ZNF717: variants seen among roughly 807,000 people sequenced by gnomAD.
ZNF717 encodes krueppel-like factor X17.
Under a neutral mutation model 13.8 loss-of-function variants are expected in ZNF717, and 9 were observed. That is an observed-to-expected ratio of 0.65 (90% CI 0.39 to 1.14). The LOEUF is 1.14. Among genes scored for constraint, ZNF717 ranks in the 50% most tolerant of loss-of-function variants. The pLI, the probability that ZNF717 is intolerant of heterozygous loss-of-function variation, is 0.01. For missense variants in ZNF717, 1,040 were observed against 1,080.7 expected (o/e 0.96, Z 0.53); for synonymous variants, 327 against 364.1 (o/e 0.90, Z 1.16).
intron 2 of ZNF717, among the ~76,000 whole-genome samples, chr3:75,747,541 A>T (rs1241071822): frequency 1.3e-5 from 2 of 152,282 alleles, no homozygotes; most frequent in East Asian, 3.9e-4. Context: ...TTTGTTGAGC[A>T]GTGGTTTGCA....
intron 6 of ZNF717, among the ~76,000 whole-genome samples, chr3:75,697,916 G>A (rs79136107): frequency 1.7e-4 from 26 of 152,402 alleles, no homozygotes; most frequent in African/African-American, 3.8e-4. Flanking sequence ...GACAGTGAAG[G>A]CTGGGCTGAG....
intron 2 of ZNF717, among the ~76,000 whole-genome samples, chr3:75,752,798 G>T (rs1290675412): frequency 6.6e-6 from 1 of 150,644 alleles, no homozygotes; most frequent in Non-Finnish European, 1.5e-5. Flanking sequence ...CTTAACATAG[G>T]ATTTCAGAAC....
chr3:75,763,987 A>G (rs1194173929), intron 2 of ZNF717, among the ~76,000 whole-genome samples: 3 of 152,210 alleles, frequency 2.0e-5, no homozygotes, highest in Admixed American at 2.0e-4. Flanking sequence ...AGATGGTGAC[A>G]AGTTTGCAAA....
intron 2 of ZNF717, among the ~76,000 whole-genome samples, chr3:75,759,153 T>C (rs1323164864): frequency 3.3e-5 from 5 of 152,136 alleles, no homozygotes; most frequent in Admixed American, 3.3e-4. Context: ...AAAGAAATTG[T>C]ATAACTCACT....
rs13072348 is a variant in ZNF717, at chr3:75,754,359, T to C, written c.58-12623A>G. Among the ~76,000 whole-genome samples the C allele has an allele frequency of 1.1e-3, 167 of 146,292 alleles. 1 individual carries two copies. The highest frequency in any genetic ancestry group is 3.9e-3 in the African/African-American group (159 of 41,030). On this transcript the variant is annotated intron_variant, in intron 2 of 4. Transcript: ENST00000652011. The stretch of plus-strand genomic sequence containing the variant: ...CAAGGCATACTAAAAGGCAAAAAAA[T>C]AAAAAAAAATACAATTTGTAGCAAC...
downstream of ZNF717, among the ~76,000 whole-genome samples, chr3:75,725,674 G>A (rs2106879628): frequency 6.7e-6 from 1 of 148,690 alleles, no homozygotes; most frequent in African/African-American, 2.4e-5. Context: ...CAAAGATCAG[G>A]TCTTACACGG....
intron 2 of ZNF717, among the ~76,000 whole-genome samples, chr3:75,768,536 A>T (rs1943667084): frequency 1.4e-5 from 2 of 144,402 alleles, no homozygotes; most frequent in Non-Finnish European, 3.0e-5. Context: ...ACTGCGGCTG[A>T]GTGTGTGGGG....
chr3:75,777,412 G>A (rs529324639), intron 2 of ZNF717, among the ~76,000 whole-genome samples: 18 of 148,700 alleles, frequency 1.2e-4, no homozygotes, highest in East Asian at 2.0e-4. Context: ...TGCTAAAACC[G>A]GAACCCAAAA....
rs554167401 is a variant in ZNF717 at position 75,770,010 on chromosome 3, T to C, written c.57+13296A>G. 5.9e-5 allele frequency among the ~76,000 whole-genome samples: 9 copies of C among 152,350 alleles called. No homozygotes were observed. In the East Asian group the frequency reaches 1.7e-3, roughly 29 times the overall value. On this transcript the variant is annotated intron_variant, in intron 2 of 4. Transcript: ENST00000652011. ...ACAATGTGCTTCTTGGTTTTTGTCTTTGCATATTTCTTTATTGGCCCTTGT... is the reference window on the plus strand; with the variant it reads ...ACAATGTGCTTCTTGGTTTTTGTCTCTGCATATTTCTTTATTGGCCCTTGT...
intron 2 of ZNF717, among the ~76,000 whole-genome samples, chr3:75,769,834 T>G (rs1024722061): frequency 6.6e-6 from 1 of 152,200 alleles, no homozygotes; most frequent in Non-Finnish European, 1.5e-5. Context: ...AAATAGGAAG[T>G]GTAATATAAC....
intron 2 of ZNF717, among the ~76,000 whole-genome samples, chr3:75,755,355 CAGAT>C (rs1234082775): frequency 6.6e-6 from 1 of 152,132 alleles, no homozygotes; most frequent in Non-Finnish European, 1.5e-5. Flanking sequence ...TAAATACACA[CAGAT>C]AGATTATGTA....
intron 2 of ZNF717, among the ~76,000 whole-genome samples, chr3:75,769,228 T>G (rs1943720836): frequency 6.6e-6 from 1 of 152,160 alleles, no homozygotes; most frequent in East Asian, 1.9e-4. Context: ...AGCTTCTGCC[T>G]GGGCCTCTTG....
chr3:75,739,673 CTCTT>C (rs67210240), intron 4 of ZNF717, among the ~76,000 whole-genome samples: 60,619 of 149,706 alleles, frequency 0.4, 12,033 homozygotes, highest in South Asian at 0.59. Flanking sequence ...TATGTTTTCT[CTCTT>C]TTTTTTTATT....
chr3:75,782,510 G>A (rs151056788), intron 2 of ZNF717, among the ~76,000 whole-genome samples: 12 of 152,316 alleles, frequency 7.9e-5, no homozygotes, highest in Non-Finnish European at 8.8e-5. Flanking sequence ...ACAACAGGCC[G>A]TGCTTTAGTG....
chr3:75,784,102 C>G (rs1215790890), intron 1 of ZNF717, among the ~76,000 whole-genome samples: 3 of 152,064 alleles, frequency 2.0e-5, no homozygotes, highest in Non-Finnish European at 2.9e-5. Flanking sequence ...GGTGGAGACA[C>G]AGGGCCTAGC....
chr3:75,732,933 T>TA (rs1575737330), downstream of ZNF717, among the ~76,000 whole-genome samples: 139 of 124,434 alleles, frequency 1.1e-3, no homozygotes, highest in East Asian at 2.9e-3. Flanking sequence ...GACAGGGATT[T>TA]TAAAAAAAAA....
At chr3:75,739,931 T>C (rs1483899103) in intron 4 of ZNF717, among the ~76,000 whole-genome samples, 1 of 152,078 alleles carries the variant, frequency 6.6e-6, no homozygotes, top group Admixed American at 6.5e-5. Context: ...TTCCCCATGT[T>C]AAACAAAAAC....
chr3:75,760,034 CTTCT>C (rs1346533926), intron 2 of ZNF717, among the ~76,000 whole-genome samples: 3 of 150,762 alleles, frequency 2.0e-5, no homozygotes. Flanking sequence ...TTTTTTCTTT[CTTCT>C]TTTTTTTTGA....
At chr3:75,775,872 T>C (rs982086824) in intron 2 of ZNF717, among the ~76,000 whole-genome samples, 1 of 150,444 alleles carries the variant, frequency 6.6e-6, no homozygotes, top group Non-Finnish European at 1.5e-5. Flanking sequence ...AAAAAAAAAT[T>C]CCCAAAAGTT....
Sources: gnomAD v4.1 joint callset for allele counts (sites outside exome capture counted in the v4.1 genomes callset) on GRCh38, gnomAD v4.1.1 for gene constraint, MANE v1.5 for transcripts, NCBI Gene and HGNC (gene_info 2026-07-23, HGNC 2026-07-21) for gene names.